UGT1A8: variants seen among roughly 807,000 people sequenced by gnomAD.
UGT1A8 encodes UDP glucuronosyltransferase family 1 member A8.
A neutral mutation model predicts 45.3 loss-of-function variants in UGT1A8; 39 were observed. The ratio of observed to expected loss-of-function variants is 0.86; its 90% CI spans 0.67 to 1.12. UGT1A8 has a LOEUF of 1.12. Ranked by LOEUF, UGT1A8 falls within the 50% of genes most tolerant of loss-of-function variation. UGT1A8 has a pLI of 0.00. For missense variants in UGT1A8, 719 were observed against 664.9 expected (o/e 1.08, Z -0.90); for synonymous variants, 275 against 249.2 (o/e 1.10, Z -0.97).
chr2:233,769,469 G>T lies in UGT1A8; in HGVS notation c.1295+1030G>T. On this transcript the variant is annotated intron_variant, in intron 4 of 4. Coordinates refer to ENST00000373450, the MANE Select transcript of UGT1A8 (RefSeq NM_019076.5). The surrounding 1 kb of genome is among the most constrained non-coding windows in gnomAD (Gnocchi z 4.4). ...CACACGTGTGCATTCATATGCGTGT[G>T]TGTGTGTGTGCGTGTGTTTATGAGA... 2 of 1,610,132 alleles carry T rather than the reference G, an allele frequency of 1.2e-6. No homozygotes were observed.
intron 1 of UGT1A8, among the ~76,000 whole-genome samples, chr2:233,679,387 C>T (rs1468973409): frequency 3.3e-5 from 5 of 152,210 alleles, no homozygotes; most frequent in African/African-American, 1.2e-4. Flanking sequence ...TTGATCTTTT[C>T]CTTTCAAGGC....
intron 1 of UGT1A8, among the ~76,000 whole-genome samples, chr2:233,671,082 G>A (rs1013423424): frequency 6.6e-6 from 1 of 152,206 alleles, no homozygotes; most frequent in African/African-American, 2.4e-5. Context: ...AAAACACAAA[G>A]TTGACATCAC....
intron 1 of UGT1A8, among the ~76,000 whole-genome samples, chr2:233,679,063 A>C (rs10207520): frequency 0.3 from 45,512 of 151,864 alleles, 7,096 homozygotes; most frequent in South Asian, 0.4. Context: ...ATTCTCTTCC[A>C]TAGTATTGAC....
At chr2:233,649,096 A>C in intron 1 of UGT1A8, 1 of 837,166 alleles carries the variant, frequency 1.2e-6, no homozygotes, top group Non-Finnish European at 1.6e-6. Context: ...TCCTTACGGA[A>C]CTGGGATTTG....
At chr2:233,705,781 CA>C (rs1559354356) in intron 1 of UGT1A8, among the ~76,000 whole-genome samples, 1 of 152,140 alleles carries the variant, frequency 6.6e-6, no homozygotes, top group Non-Finnish European at 1.5e-5. Context: ...TGTCTTAGTG[CA>C]AAATGCCCCT....
intron 1 of UGT1A8, among the ~76,000 whole-genome samples, chr2:233,629,060 T>C (rs2073142115): frequency 6.6e-6 from 1 of 152,098 alleles, no homozygotes; most frequent in South Asian, 2.1e-4. Context: ...CATTCATCTC[T>C]AGAACTCGCT....
At chr2:233,721,653 G>C in intron 1 of UGT1A8, 1 of 213,974 alleles carries the variant, frequency 4.7e-6, no homozygotes, top group Non-Finnish European at 9.6e-6. Flanking sequence ...GGCAGTGGGG[G>C]GTCATGTAAG....
intron 1 of UGT1A8, among the ~76,000 whole-genome samples, chr2:233,695,107 C>T (rs941691893): frequency 3.3e-5 from 5 of 150,048 alleles, no homozygotes; most frequent in African/African-American, 1.2e-4. Flanking sequence ...GTTTTTGTGC[C>T]CATTAACCAA....
intron 1 of UGT1A8, among the ~76,000 whole-genome samples, chr2:233,646,676 C>T (rs1248317693): frequency 1.3e-5 from 2 of 152,176 alleles, no homozygotes; most frequent in African/African-American, 2.4e-5. Flanking sequence ...AGTTCCTCAT[C>T]TCCATTTGAA....
chr2:233,647,871 C>T, intron 1 of UGT1A8: 2 of 1,409,650 alleles, frequency 1.4e-6, no homozygotes. Flanking sequence ...TTTTCTATTT[C>T]CTATTTCATT....
intron 1 of UGT1A8, among the ~76,000 whole-genome samples, chr2:233,707,386 G>GCT (rs141377295): frequency 0.021 from 3,268 of 152,146 alleles, 114 homozygotes; most frequent in African/African-American, 0.075. Flanking sequence ...GCATCCATGA[G>GCT]CTATTCTTTT....
intron 1 of UGT1A8, among the ~76,000 whole-genome samples, chr2:233,667,545 A>G (rs1199887659): frequency 6.6e-6 from 1 of 152,220 alleles, no homozygotes; most frequent in African/African-American, 2.4e-5. Context: ...ATCTCATTAA[A>G]CTAAAGAGCT....
At chr2:233,754,954 C>A (rs761740156) in intron 1 of UGT1A8, 10 of 1,315,520 alleles carry the variant, frequency 7.6e-6, no homozygotes, top group Non-Finnish European at 9.2e-6. Flanking sequence ...GGGTCCCGGC[C>A]GCCAAAGAAC....
intron 1 of UGT1A8, chr2:233,729,156 GT>G (rs1390322466): frequency 4.5e-5 from 73 of 1,613,462 alleles, no homozygotes; most frequent in Middle Eastern, 1.7e-4. Flanking sequence ...TTCCCCTGCC[GT>G]GGCTGGCCAC....
chr2:233,635,018 A>G (rs941057000), intron 1 of UGT1A8, among the ~76,000 whole-genome samples: 2 of 150,714 alleles, frequency 1.3e-5, no homozygotes, highest in Non-Finnish European at 2.9e-5. Flanking sequence ...ATCTCTCAGC[A>G]TTTGCTTGTC....
chr2:233,726,251 G>A (rs1242406933), intron 1 of UGT1A8, among the ~76,000 whole-genome samples: 1 of 152,170 alleles, frequency 6.6e-6, no homozygotes, highest in African/African-American at 2.4e-5. Flanking sequence ...TGAAAAGCTG[G>A]GTGCAGTGGC....
In UGT1A8 at chr2:233,618,490, T is replaced by C; in HGVS notation, c.783T>C (p.Tyr261=). ...WLLRTDFVLD[Y]PKPVMPNMIF... ...TGCGAACAGACTTTGTTTTGGACTA[T>C]CCCAAACCCGTGATGCCCAATATGA... is the stretch of plus-strand genomic sequence containing the variant. Residue 261 remains tyrosine (Y), a synonymous_variant, in exon 1 of 5, where the codon TAT becomes TAC. Coordinates refer to ENST00000373450, the MANE Select transcript of UGT1A8 (RefSeq NM_019076.5). 1 of 1,613,918 alleles carries C rather than the reference T, an allele frequency of 6.2e-7. No individual in the cohort carries two copies. The highest frequency in any genetic ancestry group is 1.1e-5 in the South Asian group (1 of 91,074).
intron 1 of UGT1A8, among the ~76,000 whole-genome samples, chr2:233,751,914 C>A (rs1246513527): frequency 6.6e-6 from 1 of 152,060 alleles, no homozygotes; most frequent in Non-Finnish European, 1.5e-5. Context: ...CAGACTAATA[C>A]AAGATTGGTG....
chr2:233,756,450 A>G (rs1426774092), intron 1 of UGT1A8: 1 of 152,082 alleles, frequency 6.6e-6, no homozygotes. Flanking sequence ...TTCCCCCCAA[A>G]TATTTTCAAT....
Sources: allele counts gnomAD v4.1 joint callset (sites outside exome capture counted in the v4.1 genomes callset), GRCh38; gene constraint gnomAD v4.1.1; non-coding constraint Gnocchi (gnomAD v3.1); transcripts MANE v1.5; gene names NCBI Gene and HGNC (gene_info 2026-07-23, HGNC 2026-07-21).